AFF4: variants seen among roughly 807,000 people sequenced by gnomAD.
AFF4 encodes the protein AF4/FMR2 family member 4.
In AFF4, 13 loss-of-function variants were observed where a neutral mutation model predicts 124.8. The observed-to-expected ratio is 0.10, with a 90% confidence interval of 0.07 to 0.17. The LOEUF (loss-of-function observed/expected upper bound fraction) is 0.17, where lower values mean the gene tolerates loss of function less well. Ranked by LOEUF, AFF4 falls within the 10% of genes least tolerant of loss-of-function variation. AFF4 has a pLI of 1.00. For missense variants in AFF4, 1,092 were observed against 1,403.8 expected (o/e 0.78, Z 3.55); for synonymous variants, 477 against 496.1 (o/e 0.96, Z 0.51).
chr5:132,929,988 G>A (rs1035113840), intron 4 of AFF4, among the ~76,000 whole-genome samples: 1 of 152,152 alleles, frequency 6.6e-6, no homozygotes, highest in Non-Finnish European at 1.5e-5. Flanking sequence ...TCTACATCTA[G>A]TTTTGCAACT....
Position 132,892,451 on chromosome 5 carries a change from G to C in AFF4, c.2397-47C>G, listed in dbSNP as rs370162730. ...TTCATTTCTCCACACAGTAATACAG[G>C]GGTAATTGATTTTTCCATTTCTCTT... On this transcript the variant is annotated intron_variant, in intron 12 of 20. Transcript: ENST00000265343. The C allele has an allele frequency of 3.7e-5, 58 of 1,547,036 alleles. 1 individual carries two copies. Among genetic ancestry groups the C allele is most frequent in the Non-Finnish European group, 5.0e-5 (57 of 1,149,598 alleles).
intron 1 of AFF4, among the ~76,000 whole-genome samples, chr5:132,940,355 T>C (rs969345108): frequency 7.1e-6 from 1 of 141,276 alleles, no homozygotes; most frequent in Non-Finnish European, 1.5e-5. Context: ...AAAGAAATTA[T>C]CCGGGCGTGG....
intron 4 of AFF4, among the ~76,000 whole-genome samples, chr5:132,928,079 A>G (rs1416925688): frequency 1.3e-5 from 2 of 152,172 alleles, no homozygotes; most frequent in African/African-American, 2.4e-5. Context: ...ACACCTAGGA[A>G]TTTATCCCAT....
chr5:132,934,469 C>A lies in AFF4; in HGVS notation c.596G>T (p.Gly199Val). 1 of 1,614,112 alleles carries A rather than the reference C, an allele frequency of 6.2e-7. No homozygotes were observed. Among genetic ancestry groups the A allele is most frequent in the East Asian group, 2.2e-5 (1 of 44,884 alleles). The change falls in exon 3 of 21, where the codon GGG becomes GTG. Residue 199 changes from glycine (G) to valine (V), a missense_variant. By Grantham distance (109) the Gly-to-Val change is moderately radical. Around this residue, in one of 11 missense-constraint regions of AFF4, gnomAD observed 188 missense variants for 203.0 expected, o/e 0.93. Transcript: ENST00000265343. The stretch of plus-strand genomic sequence containing the variant: ...ATGTTCCTTGCTATGGTGATCATTC[C>A]CATGAGACCTGGAATGACTAGAGTT... ...SLNSSHSRSH[G>V]NDHHSKEHQR...
At position 132,879,653 on chromosome 5, in the gene AFF4, G is replaced by A. The variant is rs1409599660; in HGVS notation, c.*1406C>T. 2 of 209,510 alleles carry A rather than the reference G, an allele frequency of 9.5e-6. No individual in the cohort carries two copies. Among genetic ancestry groups the A allele is most frequent in the Non-Finnish European group, 1.9e-5 (2 of 102,878 alleles). The allele number at this position is 209,510 out of a possible 1,614,324, so 13.0% of individuals were successfully genotyped here. ...GTAAGATTTAAGGCACACCAAACATGATAGGGGCATGAAAAATAAAGTATA... is the reference window on the plus strand; with the variant it reads ...GTAAGATTTAAGGCACACCAAACATAATAGGGGCATGAAAAATAAAGTATA... On this transcript the variant is annotated 3_prime_UTR_variant, in exon 21 of 21. Transcript: ENST00000265343.
At chr5:132,888,467 T>C (rs1171330918) in intron 14 of AFF4, among the ~76,000 whole-genome samples, 1 of 152,094 alleles carries the variant, frequency 6.6e-6, no homozygotes, top group Non-Finnish European at 1.5e-5. Context: ...TTACCTTTTA[T>C]TAAAATAGAG....
chr5:132,916,169 G>T (rs1760904455), intron 5 of AFF4, among the ~76,000 whole-genome samples: 1 of 145,528 alleles, frequency 6.9e-6, no homozygotes, highest in Non-Finnish European at 1.5e-5. Context: ...AGCTTGGGAA[G>T]CGGAGGTTGC....
At chr5:132,956,627 A>G (rs1761963594) in intron 1 of AFF4, among the ~76,000 whole-genome samples, 1 of 145,626 alleles carries the variant, frequency 6.9e-6, no homozygotes, top group African/African-American at 2.6e-5. Flanking sequence ...GCAAGACTCC[A>G]TCTCAGAAAA....
chr5:132,881,681 C>T (rs1419877181), intron 20 of AFF4, among the ~76,000 whole-genome samples: 1 of 152,072 alleles, frequency 6.6e-6, no homozygotes, highest in Non-Finnish European at 1.5e-5. Context: ...AACTAAATCC[C>T]ATGTTTTTAT....
intron 5 of AFF4, among the ~76,000 whole-genome samples, chr5:132,913,519 C>A (rs1760840356): frequency 6.6e-6 from 1 of 152,224 alleles, no homozygotes; most frequent in Non-Finnish European, 1.5e-5. Flanking sequence ...TCATGGCTCA[C>A]TGTAGCCTTG....
Position 132,875,524 on chromosome 5 carries a change from G to T in AFF4, c.*5535C>A, listed in dbSNP as rs1333736157. The T allele has an allele frequency of 5.3e-6, 1 of 189,436 alleles. No homozygotes were observed. The highest frequency in any genetic ancestry group is 1.1e-5 in the Non-Finnish European group (1 of 89,944). The allele number at this position is 189,436 out of a possible 1,614,324, so 11.7% of individuals were successfully genotyped here. A position where few individuals can be genotyped will look rare whatever the true frequency, so the allele number is the denominator to read the frequency against. ...TTACAAATTGAAATGTGATACCCTT[G>T]TCTCCAAATATTTTAATTGCCATAA... On this transcript the variant is annotated 3_prime_UTR_variant, in exon 21 of 21. Transcript: ENST00000265343.
Position 132,878,227 on chromosome 5 carries a change from A to AGACTACTGT in AFF4, c.*2823_*2831dup, listed in dbSNP as rs1281843312. ...AGCCCAGCCCAGTCTGGCCCAGGCA[A>AGACTACTGT]GACTACTGTGACAACTGCAACCACT... On this transcript the variant is annotated 3_prime_UTR_variant, in exon 21 of 21. Coordinates refer to ENST00000265343, the MANE Select transcript of AFF4 (RefSeq NM_014423.4). 5.2e-5 allele frequency: 12 copies of AGACTACTGT among 229,452 alleles called. No homozygotes were observed. The highest frequency in any genetic ancestry group is 2.7e-4 in the African/African-American group (12 of 45,142). 14.2% of individuals were successfully genotyped at this position (229,452 alleles called of 1,614,324 possible). A position where few individuals can be genotyped will look rare whatever the true frequency, so the allele number is the denominator to read the frequency against.
chr5:132,885,249 CGTGTGTGT>C (rs3835017), intron 18 of AFF4, 130 bp from the exon 19 acceptor site: 6,582 of 345,290 alleles, frequency 0.019, no homozygotes, highest in South Asian at 0.034. Flanking sequence ...CACCAAAATA[CGTGTGTGT>C]GTGTGTGTGT....
chr5:132,890,937 T>A (rs1183012877), intron 13 of AFF4, among the ~76,000 whole-genome samples: 1 of 151,994 alleles, frequency 6.6e-6, no homozygotes, highest in Non-Finnish European at 1.5e-5. Flanking sequence ...ACACAGTGAT[T>A]TTTACCTACG....
At chr5:132,905,170 G>A (rs1164641240) in intron 5 of AFF4, among the ~76,000 whole-genome samples, 1 of 151,918 alleles carries the variant, frequency 6.6e-6, no homozygotes, top group Admixed American at 6.6e-5. Context: ...TTAGCAACGT[G>A]AGGAAGAGAT....
At chr5:132,924,674 T>A (rs1561497433) in intron 5 of AFF4, among the ~76,000 whole-genome samples, 1 of 151,814 alleles carries the variant, frequency 6.6e-6, no homozygotes, top group Non-Finnish European at 1.5e-5. Flanking sequence ...GTCAACATGG[T>A]GAAACCCTGT....
At chr5:132,904,235 A>T in intron 6 of AFF4, 133 bp downstream of exon 6, 1 of 847,820 alleles carries the variant, frequency 1.2e-6, no homozygotes, top group Non-Finnish European at 1.8e-6. Flanking sequence ...CCAGAAAAAA[A>T]AAAAAAGAAA....
intron 5 of AFF4, among the ~76,000 whole-genome samples, chr5:132,918,744 TAGAG>T (rs537663119): frequency 3.4e-4 from 52 of 151,902 alleles, no homozygotes; most frequent in Non-Finnish European, 6.3e-4. Context: ...TAGACCAAAA[TAGAG>T]AGAAATAAGG....
chr5:132,935,463 C>T (rs9885086), intron 2 of AFF4, among the ~76,000 whole-genome samples: 77,845 of 151,668 alleles, frequency 0.51, 20,264 homozygotes, highest in East Asian at 0.71. Flanking sequence ...CCATTTCTAG[C>T]AAAAATACAA....
Sources: gnomAD v4.1 joint callset for allele counts (sites outside exome capture counted in the v4.1 genomes callset) on GRCh38, gnomAD v4.1.1 for gene constraint, gnomAD v4.1.1 regional missense constraint, MANE v1.5 for transcripts, NCBI Gene and HGNC (gene_info 2026-07-23, HGNC 2026-07-21) for gene names.